SHISA6: variants seen among roughly 807,000 people sequenced by gnomAD.
SHISA6 encodes protein shisa-6.
A neutral mutation model predicts 47.9 loss-of-function variants in SHISA6; 22 were observed. The observed-to-expected ratio is 0.46, with a 90% CI of 0.33 to 0.66. The LOEUF (loss-of-function observed/expected upper bound fraction) is 0.66. Among genes scored for constraint, SHISA6 ranks in the 30% least tolerant of loss-of-function variants. The pLI is 0.02. For synonymous variants in SHISA6, 388 were observed against 337.8 expected, an observed-to-expected ratio of 1.15 and a Z score of -1.63; for missense variants, 680 against 764.6, an observed-to-expected ratio of 0.89 and a Z score of 1.30.
chr17:11,501,338 C>T (rs190503676), intron 3 of SHISA6, among the ~76,000 whole-genome samples: 3 of 152,208 alleles, frequency 2.0e-5, no homozygotes, highest in Admixed American at 2.0e-4. Flanking sequence ...TCACGAACTC[C>T]TGACCTCAGG....
chr17:11,293,214 A>G (rs8080657), intron 2 of SHISA6, among the ~76,000 whole-genome samples: 67,468 of 152,018 alleles, frequency 0.44, 15,194 homozygotes, highest in African/African-American at 0.5. Flanking sequence ...AAAGATGGCC[A>G]ATATGGAATC....
At chr17:11,302,252 T>C (rs1909953944) in intron 2 of SHISA6, among the ~76,000 whole-genome samples, 1 of 152,314 alleles carries the variant, frequency 6.6e-6, no homozygotes, top group South Asian at 2.1e-4. Flanking sequence ...ATTCAAATTT[T>C]GTCAGGCTCA....
chr17:11,300,261 CAAT>C (rs1177340957), intron 2 of SHISA6, among the ~76,000 whole-genome samples: 1 of 152,104 alleles, frequency 6.6e-6, no homozygotes, highest in Non-Finnish European at 1.5e-5. Context: ...CTGTTTACCA[CAAT>C]ACCCGAAGCA....
chr17:11,363,201 C>T (rs1346443977), intron 2 of SHISA6, among the ~76,000 whole-genome samples: 6 of 144,374 alleles, frequency 4.2e-5, no homozygotes, highest in Non-Finnish European at 7.6e-5. Context: ...GGGTACATTT[C>T]TTTTTTTTTT....
At chr17:11,250,234 G>T (rs1340994003) in intron 1 of SHISA6, among the ~76,000 whole-genome samples, 2 of 152,168 alleles carry the variant, frequency 1.3e-5, no homozygotes, top group African/African-American at 4.8e-5. Flanking sequence ...ATGCAGTGAG[G>T]CTCGGGGTCA....
At chr17:11,309,739 T>C (rs146836906) in intron 2 of SHISA6, among the ~76,000 whole-genome samples, 3 of 152,238 alleles carry the variant, frequency 2.0e-5, no homozygotes, top group Non-Finnish European at 4.4e-5. Context: ...CTTTGTGTGA[T>C]AACTTTGGCA....
At chr17:11,334,118 C>A (rs1463049086) in intron 2 of SHISA6, among the ~76,000 whole-genome samples, 1 of 152,098 alleles carries the variant, frequency 6.6e-6, no homozygotes, top group Non-Finnish European at 1.5e-5. Context: ...AGATGGGGGT[C>A]ATGGAAATCC....
At chr17:11,405,850 G>A (rs1460149322) in intron 3 of SHISA6, among the ~76,000 whole-genome samples, 1 of 152,012 alleles carries the variant, frequency 6.6e-6, no homozygotes, top group Non-Finnish European at 1.5e-5. Flanking sequence ...CATTGTTTTG[G>A]GAGCTGTTTT....
intron 3 of SHISA6, among the ~76,000 whole-genome samples, chr17:11,476,561 G>A (rs1273775055): frequency 6.6e-6 from 1 of 151,772 alleles, no homozygotes; most frequent in East Asian, 1.9e-4. Flanking sequence ...GTTGTTTAAT[G>A]TCTATGTATT....
intron 3 of SHISA6, among the ~76,000 whole-genome samples, chr17:11,406,383 G>A (rs1226944905): frequency 6.6e-6 from 1 of 152,190 alleles, no homozygotes; most frequent in Non-Finnish European, 1.5e-5. Flanking sequence ...GCATTGCTCA[G>A]ACTGTCTTAA....
chr17:11,345,462 G>A (rs1476043859), intron 2 of SHISA6, among the ~76,000 whole-genome samples: 4 of 151,898 alleles, frequency 2.6e-5, no homozygotes, highest in Non-Finnish European at 4.4e-5. Context: ...TGACTATTTT[G>A]TATTTTTTTG....
intron 2 of SHISA6, among the ~76,000 whole-genome samples, chr17:11,365,241 G>C: frequency 6.6e-6 from 1 of 151,896 alleles, no homozygotes; most frequent in African/African-American, 2.4e-5. Context: ...TTCTATTAAG[G>C]TTGTCCTACA....
chr17:11,392,408 A>G (rs1040888308), intron 3 of SHISA6, among the ~76,000 whole-genome samples: 12 of 152,156 alleles, frequency 7.9e-5, no homozygotes, highest in African/African-American at 2.9e-4. Context: ...TTCCTCAGGA[A>G]TAGATTATTG....
At chr17:11,384,772 C>T (rs1022247850) in intron 3 of SHISA6, among the ~76,000 whole-genome samples, 1 of 152,162 alleles carries the variant, frequency 6.6e-6, no homozygotes, top group African/African-American at 2.4e-5. Flanking sequence ...TTTCTCACCA[C>T]TCACCAGGTC....
At chr17:11,371,754 C>G (rs1263508101) in intron 2 of SHISA6, among the ~76,000 whole-genome samples, 1 of 151,720 alleles carries the variant, frequency 6.6e-6, no homozygotes, top group Non-Finnish European at 1.5e-5. Context: ...AAAAAATGGC[C>G]CATGAGCCCA....
intron 2 of SHISA6, among the ~76,000 whole-genome samples, chr17:11,340,991 G>A (rs990107940): frequency 6.6e-6 from 1 of 152,234 alleles, no homozygotes; most frequent in African/African-American, 2.4e-5. Flanking sequence ...CCTCAGCCAA[G>A]CAGGAAGCAG....
At chr17:11,244,837 T>C (rs1161836609) in intron 1 of SHISA6, among the ~76,000 whole-genome samples, 1 of 152,146 alleles carries the variant, frequency 6.6e-6, no homozygotes, top group South Asian at 2.1e-4. Context: ...CCCCTGAAGA[T>C]GATAGGTGGG....
At chr17:11,435,270 G>A (rs529288725) in intron 3 of SHISA6, among the ~76,000 whole-genome samples, 3 of 152,090 alleles carry the variant, frequency 2.0e-5, no homozygotes, top group Non-Finnish European at 4.4e-5. Flanking sequence ...AAAAATTGAA[G>A]CTGCTAGGAA....
rs1372260344 is a variant in SHISA6, at chr17:11,562,288, T to A, written c.*3984T>A. ...TTCATATTCCTTCCACAGGCAACTG[T>A]GCACTTGACCCAAGGTAAAATGAAA... is the stretch of plus-strand genomic sequence containing the variant. On this transcript the variant is annotated 3_prime_UTR_variant, in exon 6 of 6. Transcript: ENST00000441885. 6.6e-6 allele frequency: 1 copy of A among 152,064 alleles called. No individual in the cohort carries two copies. The highest frequency in any genetic ancestry group is 6.5e-5 in the Admixed American group (1 of 15,272). 9.4% of individuals were successfully genotyped at this position (152,064 alleles called of 1,614,324 possible). A position where few individuals can be genotyped will look rare whatever the true frequency, so the allele number is the denominator to read the frequency against.
Sources: allele counts gnomAD v4.1 joint callset (sites outside exome capture counted in the v4.1 genomes callset), GRCh38; gene constraint gnomAD v4.1.1; transcripts MANE v1.5; gene names NCBI Gene and HGNC (gene_info 2026-07-23, HGNC 2026-07-21).